CDK14: variants seen among roughly 807,000 people sequenced by gnomAD.
The protein encoded by CDK14 is cyclin dependent kinase 14.
Under a neutral mutation model 60.7 loss-of-function variants are expected in CDK14, and 34 were observed. That is an observed-to-expected ratio of 0.56 (90% CI 0.43 to 0.75). CDK14 has a LOEUF of 0.75. CDK14 is among the 30% of genes least tolerant of loss of function. The probability of loss-of-function intolerance (pLI) is 0.00; values close to 1 mark genes in which losing one functional copy is unlikely to be tolerated. For synonymous variants in CDK14, 197 were observed against 203.7 expected (o/e 0.97, Z 0.28); for missense variants, 482 against 564.1 (o/e 0.85, Z 1.47).
intron 14 of CDK14, among the ~76,000 whole-genome samples, chr7:91,191,646 G>A (rs2063389): frequency 0.057 from 8,676 of 151,784 alleles, 301 homozygotes; most frequent in Admixed American, 0.11. Context: ...TTATGTTTGC[G>A]TGTATGTGAG....
chr7:90,666,633 G>A (rs1800984999), intron 2 of CDK14, among the ~76,000 whole-genome samples: 1 of 152,208 alleles, frequency 6.6e-6, no homozygotes, highest in African/African-American at 2.4e-5. Flanking sequence ...TTATTTCACG[G>A]AACATAGTTT....
chr7:90,653,819 C>T (rs1396678252), intron 2 of CDK14, among the ~76,000 whole-genome samples: 2 of 152,110 alleles, frequency 1.3e-5, no homozygotes, highest in Admixed American at 1.3e-4. Context: ...CCCTCCTTCT[C>T]CCCCCACCTG....
At chr7:90,634,716 C>G (rs76294245) in intron 2 of CDK14, among the ~76,000 whole-genome samples, 46,105 of 150,668 alleles carry the variant, frequency 0.31, 7,786 homozygotes, top group East Asian at 0.67. Context: ...ACACTGACTT[C>G]CACAATGGTT....
intron 2 of CDK14, among the ~76,000 whole-genome samples, chr7:90,630,307 TA>T (rs1799966453): frequency 6.6e-6 from 1 of 152,176 alleles, no homozygotes; most frequent in Non-Finnish European, 1.5e-5. Flanking sequence ...ATTGCACACC[TA>T]AGCTATATGG....
intron 14 of CDK14, among the ~76,000 whole-genome samples, chr7:91,119,407 C>T (rs886944682): frequency 1.3e-5 from 2 of 152,118 alleles, no homozygotes; most frequent in East Asian, 3.8e-4. Context: ...TGGCTTGAGC[C>T]TGGGAGGCTG....
At chr7:90,982,609 A>G (rs1795260055) in intron 9 of CDK14, among the ~76,000 whole-genome samples, 1 of 152,180 alleles carries the variant, frequency 6.6e-6, no homozygotes, top group South Asian at 2.1e-4. Context: ...TGTGAAATAT[A>G]ATTGGAAAAG....
intron 14 of CDK14, among the ~76,000 whole-genome samples, chr7:91,183,777 C>T (rs549070515): frequency 8.6e-4 from 131 of 152,294 alleles, no homozygotes; most frequent in African/African-American, 3.0e-3. Flanking sequence ...AAATCTACCC[C>T]CAAAGTCTCA....
intron 3 of CDK14, among the ~76,000 whole-genome samples, chr7:90,727,485 T>G (rs1336418680): frequency 6.6e-6 from 1 of 152,184 alleles, no homozygotes; most frequent in Non-Finnish European, 1.5e-5. Context: ...CTGTTATATT[T>G]CTATTCTCAA....
At chr7:90,859,922 T>C (rs536842253) in intron 5 of CDK14, among the ~76,000 whole-genome samples, 65 of 152,276 alleles carry the variant, frequency 4.3e-4, no homozygotes, top group African/African-American at 1.5e-3. Context: ...TGATAGAATA[T>C]AGGCAGAATG....
rs927716460 is a variant in CDK14 at position 91,090,817 on chromosome 7, T to C, written c.1154+11337T>C. Among the ~76,000 whole-genome samples, 3 of 152,150 alleles carry C rather than the reference T, an allele frequency of 2.0e-5. No individual in the cohort carries two copies. The East Asian group carries it at 5.8e-4, about 29-fold the overall frequency. The stretch of plus-strand genomic sequence containing the variant: ...GTATCCAGAATGGAGTTTCAAAGCA[T>C]GGCATTTCGGCAGCACTGATTCTGT... On this transcript the variant is annotated intron_variant, in intron 12 of 14. Transcript: ENST00000380050.
At chr7:91,044,097 A>G (rs1184628806) in intron 10 of CDK14, among the ~76,000 whole-genome samples, 2 of 152,214 alleles carry the variant, frequency 1.3e-5, no homozygotes, top group African/African-American at 2.4e-5. Flanking sequence ...ATGGCCCATG[A>G]CACAGCCCTC....
At chr7:90,965,848 A>G (rs1794736924) in intron 9 of CDK14, among the ~76,000 whole-genome samples, 1 of 152,120 alleles carries the variant, frequency 6.6e-6, no homozygotes. Flanking sequence ...TTATTTCCCT[A>G]GAGCTTCTGG....
intron 7 of CDK14, among the ~76,000 whole-genome samples, chr7:90,903,188 A>G (rs866746514): frequency 2.0e-4 from 30 of 152,312 alleles, no homozygotes; most frequent in South Asian, 1.2e-3. Context: ...TTAAAAAACT[A>G]TAAATTGAAC....
At chr7:90,955,368 A>G (rs1407634740) in intron 8 of CDK14, among the ~76,000 whole-genome samples, 2 of 152,194 alleles carry the variant, frequency 1.3e-5, no homozygotes, top group Non-Finnish European at 2.9e-5. Flanking sequence ...ACCCTTTCTC[A>G]CAATACTTAT....
rs568774412 is a variant in CDK14 at position 91,049,431 on chromosome 7, A to G, written c.1105+3471A>G. On this transcript the variant is annotated intron_variant, in intron 11 of 14. Transcript: ENST00000380050. ...GAGACAAAGTCTTGTTATTTTGGCCAGGCCAGTCTTGAACTCTTGATCTCA... is the reference window on the plus strand; with the variant it reads ...GAGACAAAGTCTTGTTATTTTGGCCGGGCCAGTCTTGAACTCTTGATCTCA... Among the ~76,000 whole-genome samples the G allele has an allele frequency of 1.1e-4, 17 of 152,322 alleles. No individual in the cohort carries two copies. The South Asian group carries it at 3.5e-3, about 32-fold the overall frequency.
chr7:90,889,634 A>G (rs781208434), intron 6 of CDK14, among the ~76,000 whole-genome samples: 1 of 152,238 alleles, frequency 6.6e-6, no homozygotes, highest in Non-Finnish European at 1.5e-5. Context: ...ATTTTTATGT[A>G]GTATAAAATA....
At chr7:90,839,402 C>T (rs1195546597) in intron 5 of CDK14, among the ~76,000 whole-genome samples, 1 of 152,164 alleles carries the variant, frequency 6.6e-6, no homozygotes, top group African/African-American at 2.4e-5. Flanking sequence ...CCATAATGAA[C>T]AGTTTTGCTG....
intron 10 of CDK14, among the ~76,000 whole-genome samples, chr7:91,028,300 CCCA>C (rs1796661926): frequency 1.3e-5 from 2 of 151,990 alleles, no homozygotes; most frequent in African/African-American, 4.8e-5. Flanking sequence ...ACACACACCC[CCCA>C]CATTTTCTTT....
intron 10 of CDK14, among the ~76,000 whole-genome samples, chr7:90,991,542 C>T (rs1795534659): frequency 6.6e-6 from 1 of 152,110 alleles, no homozygotes; most frequent in Admixed American, 6.6e-5. Flanking sequence ...TACTTCAGCT[C>T]AGGTCTGTTC....
Sources: gnomAD v4.1 joint callset for allele counts (sites outside exome capture counted in the v4.1 genomes callset) on GRCh38, gnomAD v4.1.1 for gene constraint, MANE v1.5 for transcripts, NCBI Gene and HGNC (gene_info 2026-07-23, HGNC 2026-07-21) for gene names.